Variants in TANGO6 observed in about 807,000 individuals in gnomAD.
TANGO6 encodes transport and golgi organization 6 homolog.
In TANGO6, 90 loss-of-function variants were observed where a neutral mutation model predicts 114.2. The observed-to-expected ratio is 0.79, with a 90% CI of 0.66 to 0.94. The LOEUF is 0.94. Ranked by LOEUF, TANGO6 falls within the 40% of genes least tolerant of loss-of-function variation. TANGO6 has a pLI of 0.00. For missense variants in TANGO6, 1,274 were observed against 1,315.3 expected (o/e 0.97, Z 0.49); for synonymous variants, 477 against 509.8 (o/e 0.94, Z 0.87).
At chr16:68,861,729 A>G (rs993861164) in intron 2 of TANGO6, among the ~76,000 whole-genome samples, 2 of 152,186 alleles carry the variant, frequency 1.3e-5, no homozygotes, top group Non-Finnish European at 2.9e-5. Context: ...TACATTATGA[A>G]GCTGGACAAA....
intron 1 of TANGO6, 63 bp downstream of exon 1, chr16:68,843,774 G>T: frequency 6.5e-7 from 1 of 1,544,066 alleles, no homozygotes; most frequent in Non-Finnish European, 8.9e-7. Context: ...CGGCTTCCGG[G>T]GCTGCCCTGC....
intron 15 of TANGO6, among the ~76,000 whole-genome samples, chr16:68,983,761 C>T (rs1480024779): frequency 1.3e-5 from 2 of 152,062 alleles, no homozygotes; most frequent in African/African-American, 2.4e-5. Context: ...GGGCCGGGCG[C>T]GGTGGCTCAT....
chr16:68,973,579 G>A (rs1322583499), intron 14 of TANGO6, among the ~76,000 whole-genome samples: 2 of 152,124 alleles, frequency 1.3e-5, no homozygotes, highest in African/African-American at 4.8e-5. Context: ...TACGAAGGGG[G>A]GACTCAGGGT....
intron 4 of TANGO6, chr16:68,867,485 C>G: frequency 2.9e-6 from 1 of 349,380 alleles, no homozygotes; most frequent in African/African-American, 2.1e-5. Flanking sequence ...ATAATTTATA[C>G]TATCTGGGGA....
intron 15 of TANGO6, among the ~76,000 whole-genome samples, chr16:69,006,059 G>A (rs929526299): frequency 6.6e-5 from 10 of 152,148 alleles, no homozygotes; most frequent in African/African-American, 1.7e-4. Context: ...TGTCACCATC[G>A]TTTACTGACA....
intron 17 of TANGO6, among the ~76,000 whole-genome samples, chr16:69,065,981 C>T (rs1164765117): frequency 6.6e-6 from 1 of 152,172 alleles, no homozygotes; most frequent in South Asian, 2.1e-4. Context: ...AGAGGCCACT[C>T]GCCTCAAAGA....
intron 14 of TANGO6, among the ~76,000 whole-genome samples, chr16:68,934,594 C>T (rs1963282039): frequency 6.6e-6 from 1 of 152,016 alleles, no homozygotes; most frequent in Non-Finnish European, 1.5e-5. Context: ...CCTGGGGGTC[C>T]AGGAGGCCAC....
chr16:68,906,371 C>A (rs545898048), intron 9 of TANGO6, among the ~76,000 whole-genome samples: 1 of 152,122 alleles, frequency 6.6e-6, no homozygotes, highest in South Asian at 2.1e-4. Context: ...ACATCTTTTT[C>A]TGCTGCCCAT....
intron 15 of TANGO6, 63 bp downstream of exon 15, chr16:68,974,231 A>C (rs1280507466): frequency 6.3e-7 from 1 of 1,599,050 alleles, no homozygotes. Flanking sequence ...TTGAAACCAA[A>C]ATGTGTGTAC....
intron 15 of TANGO6, among the ~76,000 whole-genome samples, chr16:68,991,566 A>G (rs1400164779): frequency 6.6e-6 from 1 of 152,112 alleles, no homozygotes; most frequent in Non-Finnish European, 1.5e-5. Context: ...GCTTAAACCT[A>G]GGAGGGAGAG....
At chr16:68,880,686 A>C in intron 7 of TANGO6, 56 bp downstream of exon 7, 1 of 1,381,118 alleles carries the variant, frequency 7.2e-7, no homozygotes, top group Non-Finnish European at 9.7e-7. Context: ...AATTTTTTTT[A>C]AATTTTTTCT....
At chr16:69,054,884 T>A (rs1040089137) in intron 17 of TANGO6, among the ~76,000 whole-genome samples, 1 of 134,784 alleles carries the variant, frequency 7.4e-6, no homozygotes, top group Non-Finnish European at 1.5e-5. Context: ...GAGCTTGCAG[T>A]GAGCCGAGAT....
intron 14 of TANGO6, among the ~76,000 whole-genome samples, chr16:68,970,558 T>G (rs1019275808): frequency 2.0e-5 from 3 of 150,832 alleles, no homozygotes; most frequent in African/African-American, 4.9e-5. Flanking sequence ...TCCCAGCTAC[T>G]CAGGAGGCTG....
At chr16:69,053,043 G>A (rs1959977591) in intron 17 of TANGO6, among the ~76,000 whole-genome samples, 1 of 152,074 alleles carries the variant, frequency 6.6e-6, no homozygotes, top group Admixed American at 6.6e-5. Context: ...GGGAGGCAGA[G>A]GTTGCAATGA....
intron 15 of TANGO6, among the ~76,000 whole-genome samples, chr16:68,982,716 C>G (rs1963850592): frequency 6.8e-6 from 1 of 147,808 alleles, no homozygotes. Context: ...AAGCAATCCT[C>G]CCACCTCGGC....
In TANGO6 at chr16:68,878,214, C is replaced by T. The variant is rs114053281; in HGVS notation, c.1228C>T (p.His410Tyr). 3 of 1,613,274 alleles carry T rather than the reference C, an allele frequency of 1.9e-6. No individual in the cohort carries two copies. The African/African-American group carries it at 4.0e-5, about 21-fold the overall frequency. Residue 410 changes from histidine (H) to tyrosine (Y), a missense_variant, in exon 6 of 18, where the codon CAT becomes TAT. Transcript: ENST00000261778. ...TFITLSRERP[H>Y]LAAKYLLQPV... ...TATAACTTTGTCAAGAGAACGCCCA[C>T]ATTTGGCAGCAAAGTATTTGCTCCA...
intron 15 of TANGO6, among the ~76,000 whole-genome samples, chr16:68,988,193 A>G (rs1359333286): frequency 1.3e-5 from 2 of 152,174 alleles, no homozygotes; most frequent in East Asian, 1.9e-4. Flanking sequence ...TGGGTCTTTC[A>G]TCCCCAACAT....
chr16:68,909,481 G>C, intron 11 of TANGO6, 79 bp downstream of exon 11: 1 of 1,314,996 alleles, frequency 7.6e-7, no homozygotes, highest in Non-Finnish European at 9.9e-7. Flanking sequence ...CTGAGAGTGT[G>C]ATTTGATGAC....
intron 17 of TANGO6, among the ~76,000 whole-genome samples, chr16:69,074,027 T>A (rs542334075): frequency 4.6e-5 from 7 of 150,974 alleles, no homozygotes; most frequent in Admixed American, 3.9e-4. Context: ...GAGACCTGAC[T>A]GTGGCTCAGA....
Sources: gnomAD v4.1 joint callset for allele counts (sites outside exome capture counted in the v4.1 genomes callset) on GRCh38, gnomAD v4.1.1 for gene constraint, MANE v1.5 for transcripts, NCBI Gene and HGNC (gene_info 2026-07-23, HGNC 2026-07-21) for gene names.